PICALM: variants seen among roughly 807,000 people sequenced by gnomAD.
PICALM encodes the protein phosphatidylinositol binding clathrin assembly protein, also known as phosphatidylinositol-binding clathrin assembly protein.
Under a neutral mutation model 80.5 loss-of-function variants are expected in PICALM, and 40 were observed. The observed-to-expected ratio is 0.50, with a 90% CI of 0.39 to 0.65. The LOEUF is 0.65. Ranked by LOEUF, PICALM falls within the 30% of genes least tolerant of loss-of-function variation. The pLI, the probability that PICALM is intolerant of heterozygous loss-of-function variation, is 0.00. For synonymous variants in PICALM, 288 were observed against 260.3 expected, an observed-to-expected ratio of 1.11 and a Z score of -1.02; for missense variants, 676 against 778.9, an observed-to-expected ratio of 0.87 and a Z score of 1.57.
chr11:85,989,031 A>G (rs2094678673), intron 13 of PICALM, among the ~76,000 whole-genome samples: 1 of 152,194 alleles, frequency 6.6e-6, no homozygotes, highest in Non-Finnish European at 1.5e-5. Context: ...TGTACAATTC[A>G]GTGTTCTTAA....
chr11:85,990,442 T>G, intron 12 of PICALM, 43 bp from the exon 13 acceptor site: 1 of 1,282,716 alleles, frequency 7.8e-7, no homozygotes, highest in Non-Finnish European at 1.1e-6. Flanking sequence ...AGAAAGGAAG[T>G]AAATAAATTA....
chr11:86,055,284 C>T (rs1414454744), intron 1 of PICALM, among the ~76,000 whole-genome samples: 5 of 144,484 alleles, frequency 3.5e-5, no homozygotes, highest in East Asian at 2.0e-4. Flanking sequence ...GAGCCTAGAT[C>T]GTGCCACTGC....
chr11:85,996,255 G>C (rs894137582), intron 12 of PICALM, among the ~76,000 whole-genome samples: 6 of 151,934 alleles, frequency 3.9e-5, no homozygotes, highest in African/African-American at 9.7e-5. Context: ...AACTGCTTAA[G>C]GGCAGCAAAC....
At chr11:85,971,257 T>C (rs1214741040) in intron 19 of PICALM, among the ~76,000 whole-genome samples, 1 of 152,224 alleles carries the variant, frequency 6.6e-6, no homozygotes, top group Non-Finnish European at 1.5e-5. Context: ...TCAAATTTTA[T>C]CTTTCAACTA....
chr11:86,033,593 T>C (rs987352505), intron 1 of PICALM, among the ~76,000 whole-genome samples: 2 of 152,210 alleles, frequency 1.3e-5, no homozygotes, highest in African/African-American at 4.8e-5. Context: ...GCCTTGGGCA[T>C]TCCCCTACCT....
chr11:85,975,006 T>G (rs1436975805), intron 18 of PICALM, among the ~76,000 whole-genome samples, 194 bp from the exon 19 acceptor site: 1 of 152,214 alleles, frequency 6.6e-6, no homozygotes, highest in African/African-American at 2.4e-5. Flanking sequence ...AAGTAAAGTC[T>G]TTAACATGCT....
intron 3 of PICALM, 87 bp downstream of exon 3, chr11:86,026,205 T>C (rs1016253135): frequency 4.1e-6 from 3 of 723,308 alleles, no homozygotes; most frequent in Non-Finnish European, 7.3e-6. Flanking sequence ...AAGTAGCACA[T>C]GTTCTAAAAG....
Position 85,958,378 on chromosome 11 carries a change from A to G in PICALM, c.*668T>C, listed in dbSNP as rs1289591084. The G allele has an allele frequency of 4.7e-6, 1 of 213,314 alleles. No homozygotes were observed. The highest frequency in any genetic ancestry group is 2.3e-5 in the African/African-American group (1 of 44,256). The allele number at this position is 213,314 out of a possible 1,614,324, so 13.2% of individuals were successfully genotyped here. ...TAGTGCTCTGTATGTCAGCTGAGAAAAGCATTCTGAATCAGATTCATTCTT... is the reference window on the plus strand; with the variant it reads ...TAGTGCTCTGTATGTCAGCTGAGAAGAGCATTCTGAATCAGATTCATTCTT... On this transcript the variant is annotated 3_prime_UTR_variant, in exon 20 of 20. Transcript: ENST00000393346.
chr11:86,003,200 A>G (rs2136136982), intron 9 of PICALM, among the ~76,000 whole-genome samples, 166 bp downstream of exon 9: 1 of 152,350 alleles, frequency 6.6e-6, no homozygotes, highest in South Asian at 2.1e-4. Flanking sequence ...GTATTAATCC[A>G]TTTAATCCTA....
chr11:85,996,075 G>A (rs776877042), intron 12 of PICALM, among the ~76,000 whole-genome samples: 1 of 151,910 alleles, frequency 6.6e-6, no homozygotes, highest in Non-Finnish European at 1.5e-5. Flanking sequence ...TTTAAAACCT[G>A]CCTTCACAGA....
intron 1 of PICALM, among the ~76,000 whole-genome samples, chr11:86,059,881 AAGAG>A (rs1555154792): frequency 6.6e-6 from 1 of 152,056 alleles, no homozygotes; most frequent in Non-Finnish European, 1.5e-5. Flanking sequence ...AAAAAAAAAA[AAGAG>A]AGAGGACAAA....
intron 13 of PICALM, among the ~76,000 whole-genome samples, chr11:85,988,736 A>T (rs1042220741): frequency 2.0e-5 from 3 of 152,202 alleles, no homozygotes; most frequent in Non-Finnish European, 4.4e-5. Flanking sequence ...AATCAAGAAA[A>T]ACAAAAAATG....
At chr11:86,050,259 A>G (rs917981786) in intron 1 of PICALM, among the ~76,000 whole-genome samples, 19 of 151,836 alleles carry the variant, frequency 1.3e-4, no homozygotes, top group African/African-American at 4.6e-4. Context: ...TCAAGTCACA[A>G]AAGGCCCCCC....
chr11:86,039,075 C>T (rs1267239620), intron 1 of PICALM, among the ~76,000 whole-genome samples: 1 of 149,824 alleles, frequency 6.7e-6, no homozygotes, highest in Non-Finnish European at 1.5e-5. Flanking sequence ...CATGCCACTG[C>T]ACTCTTGTCT....
chr11:86,051,867 A>G (rs1417770200), intron 1 of PICALM, among the ~76,000 whole-genome samples: 2 of 152,180 alleles, frequency 1.3e-5, no homozygotes, highest in Non-Finnish European at 2.9e-5. Flanking sequence ...TTTATTCTCT[A>G]TGTCTTCTTA....
At chr11:86,036,945 C>CAAAAAA (rs57778395) in intron 1 of PICALM, among the ~76,000 whole-genome samples, 8 of 125,910 alleles carry the variant, frequency 6.4e-5, no homozygotes, top group African/African-American at 9.7e-5. Context: ...CAACAACAAC[C>CAAAAAA]AAAAAAAAAA....
chr11:86,068,811 C>G lies in PICALM; in HGVS notation c.-31G>C, dbSNP rs1293642049. 1 of 1,577,416 alleles carries G rather than the reference C, an allele frequency of 6.3e-7. No individual in the cohort carries two copies. The highest frequency in any genetic ancestry group is 1.3e-5 in the African/African-American group (1 of 74,172). On this transcript the variant is annotated 5_prime_UTR_variant, in exon 1 of 20. Transcript: ENST00000393346. The stretch of plus-strand genomic sequence containing the variant: ...CAGCTCCTCCACCACCCCACCCGCT[C>G]AGCAGCCGGCGGGGACTGGGACCCC...
chr11:86,009,889 C>T (rs2095361420), intron 7 of PICALM, among the ~76,000 whole-genome samples: 1 of 152,158 alleles, frequency 6.6e-6, no homozygotes, highest in Non-Finnish European at 1.5e-5. Context: ...CTCCTTGAAA[C>T]ATTTTTAAAT....
intron 13 of PICALM, among the ~76,000 whole-genome samples, chr11:85,986,342 A>G (rs984313221): frequency 6.8e-6 from 1 of 147,540 alleles, no homozygotes; most frequent in African/African-American, 2.5e-5. Flanking sequence ...TTTTTGTGAA[A>G]CTATCAGGAC....
Sources: gnomAD v4.1 joint callset for allele counts (sites outside exome capture counted in the v4.1 genomes callset) on GRCh38, gnomAD v4.1.1 for gene constraint, MANE v1.5 for transcripts, NCBI Gene and HGNC (gene_info 2026-07-23, HGNC 2026-07-21) for gene names.